Variants in ARAP1 observed in about 807,000 individuals in gnomAD.
The protein encoded by ARAP1 is ArfGAP with RhoGAP domain, ankyrin repeat and PH domain 1.
Under a neutral mutation model 172.2 loss-of-function variants are expected in ARAP1, and 76 were observed. That is an observed-to-expected ratio of 0.44 (90% CI 0.37 to 0.53). The LOEUF (loss-of-function observed/expected upper bound fraction) is 0.53, where lower values mean the gene tolerates loss of function less well. Among genes scored for constraint, ARAP1 ranks in the 20% least tolerant of loss-of-function variants. The pLI, the probability that ARAP1 is intolerant of heterozygous loss-of-function variation, is 0.00. For missense variants in ARAP1, 1,686 were observed against 1,977.5 expected, an observed-to-expected ratio of 0.85 and a Z score of 2.80; for synonymous variants, 804 against 803.3, an observed-to-expected ratio of 1.00 and a Z score of -0.01.
rs1206579764 is a variant in ARAP1 at position 72,697,082 on chromosome 11, G to A, written c.3067C>T (p.His1023Tyr). Residue 1023 changes from histidine (H) to tyrosine (Y), a missense_variant, in exon 22 of 35, where the codon CAC (histidine) becomes TAC (tyrosine). Coordinates refer to ENST00000393609, the MANE Select transcript of ARAP1 (RefSeq NM_001040118.3). ...RSVHLKEGEQ[H>Y]VDDVSSALKR... ...AGCGCCGAGGAAACATCATCCACGT[G>A]CTGCTCGCCCTCCTTGAGGTGCACA... The A allele has an allele frequency of 1.9e-6, 3 of 1,609,862 alleles. No homozygotes were observed. The highest frequency in any genetic ancestry group is 2.5e-6 in the Non-Finnish European group (3 of 1,179,928).
chr11:72,749,062 GA>G (rs1329115325), intron 1 of ARAP1, among the ~76,000 whole-genome samples: 9 of 152,194 alleles, frequency 5.9e-5, no homozygotes, highest in African/African-American at 1.7e-4. Flanking sequence ...CAAGACCAGA[GA>G]AAGAAATGAG....
At chr11:72,701,812 C>T (rs1856496332) in intron 15 of ARAP1, 29 bp from the exon 16 acceptor site, 2 of 1,609,388 alleles carry the variant, frequency 1.2e-6, no homozygotes, top group Non-Finnish European at 1.7e-6. Context: ...GATGGCAGGT[C>T]ATGCTGGCCA....
At position 72,709,920 on chromosome 11, in the gene ARAP1, C is replaced by T. The variant is rs1471780963; in HGVS notation, c.1473G>A (p.Lys491=). Residue 491 remains lysine, a synonymous_variant, in exon 11 of 35, where the codon AAG becomes AAA. Coordinates refer to ENST00000393609, the MANE Select transcript of ARAP1 (RefSeq NM_001040118.3). The part of the protein sequence containing the change: ...TFIDMSVGNV[K]EVDRRSFDLT... ...GGTCGAAGCTGCGCCGGTCCACTTC[C>T]TTCACGTTGCCCACGCTCATGTCGA... is the stretch of plus-strand genomic sequence containing the variant. 4 of 1,614,048 alleles carry T rather than the reference C, an allele frequency of 2.5e-6. No individual in the cohort carries two copies. Among genetic ancestry groups the T allele is most frequent in the African/African-American group, 2.7e-5 (2 of 74,906 alleles).
chr11:72,707,296 G>C lies in ARAP1; in HGVS notation c.1602C>G (p.Thr534=). ...CCCAGATGCGCTCGGCCACCTCCGA[G>C]GTAGACAGGGCCTCAGCGATGGCTC... ...MQGAIAEALS[T]SEVAERIWAA... is the part of the protein sequence containing the mutation. Residue 534 remains threonine (T), a synonymous_variant, in exon 12 of 35, where the codon ACC becomes ACG. Transcript: ENST00000393609. The C allele has an allele frequency of 6.2e-7, 1 of 1,613,786 alleles. No homozygotes were observed.
chr11:72,727,616 A>C (rs747369132), intron 2 of ARAP1, among the ~76,000 whole-genome samples: 2 of 152,206 alleles, frequency 1.3e-5, no homozygotes, highest in African/African-American at 2.4e-5. Context: ...CCAAGGGCTT[A>C]GCGAGCATTG....
At position 72,704,326 on chromosome 11, in the gene ARAP1, TA is replaced by T; in HGVS notation, c.1817del (p.Leu606TyrfsTer125). 1 of 1,586,788 alleles carries T rather than the reference TA, an allele frequency of 6.3e-7. No individual in the cohort carries two copies. Among genetic ancestry groups the T allele is most frequent in the Non-Finnish European group, 8.6e-7 (1 of 1,166,180 alleles). Reference protein sequence around the residue: ...VWTETLIELFLQLGNGAGNRF... With the variant: ...VWTETLIELFXQLGNGAGNRF... Reference sequence around the variant, plus strand: ...GGTTCCCAGCGCCATTCCCCAGCTGTAAGAAGAGCTGTGGGGGTGTGCAGGA... The same window carrying T: ...GGTTCCCAGCGCCATTCCCCAGCTGTAGAAGAGCTGTGGGGGTGTGCAGGA... On this transcript the variant is annotated frameshift_variant, in exon 14 of 35. Transcript: ENST00000393609. LOFTEE classifies it high-confidence loss of function.
intron 18 of ARAP1, 120 bp downstream of exon 18, chr11:72,698,885 G>C: frequency 9.5e-7 from 1 of 1,056,120 alleles, no homozygotes; most frequent in East Asian, 2.4e-5. Flanking sequence ...CTCCATGTCT[G>C]CTGCCCTGCA....
intron 3 of ARAP1, among the ~76,000 whole-genome samples, chr11:72,716,870 T>C (rs1591216421): frequency 6.6e-6 from 1 of 152,176 alleles, no homozygotes; most frequent in Non-Finnish European, 1.5e-5. Flanking sequence ...CGGGCCTCTC[T>C]GGGAATCTGG....
intron 2 of ARAP1, among the ~76,000 whole-genome samples, chr11:72,731,828 A>T (rs1857877386): frequency 6.6e-6 from 1 of 152,188 alleles, no homozygotes; most frequent in African/African-American, 2.4e-5. Context: ...CAGTTCCTCC[A>T]GGGTTAAGCT....
chr11:72,698,254 A>T, intron 18 of ARAP1, 148 bp from the exon 19 acceptor site: 1 of 991,150 alleles, frequency 1.0e-6, no homozygotes, highest in Non-Finnish European at 1.4e-6. Context: ...CCAGTGATGG[A>T]ACTTGGGTAC....
chr11:72,701,813 A>C (rs1301885715), intron 15 of ARAP1, 30 bp from the exon 16 acceptor site: 1 of 1,609,530 alleles, frequency 6.2e-7, no homozygotes, highest in Non-Finnish European at 8.5e-7. Context: ...ATGGCAGGTC[A>C]TGCTGGCCAC....
rs767797020 is a variant in ARAP1 at position 72,699,059 on chromosome 11, C to T, written c.2487G>A (p.Leu829=). The change falls in exon 18 of 35, where the codon CTG becomes CTA. Residue 829 remains leucine, a synonymous_variant. Transcript: ENST00000393609. The surrounding 1 kb of genome is among the most constrained non-coding windows in gnomAD (Gnocchi z 4.2). ...EVYTEGERLY[L]FGLESAEQAH... ...CCTGCTCCGCACTCTCCAGCCCAAA[C>T]AGGTACAGCCGTTCTCCCTCCGTGT... The T allele has an allele frequency of 2.5e-6, 4 of 1,614,190 alleles. No homozygotes were observed. Among genetic ancestry groups the T allele is most frequent in the Admixed American group, 1.7e-5 (1 of 60,030 alleles).
rs141990945 is a variant in ARAP1, at chr11:72,704,279, G to A, written c.1865C>T (p.Pro622Leu). ...GCTGGGCTGCAGGGCCTCACTGGGG[G>A]GCACGTTGGCTGCCCAGAAGCGGTT... ...AGNRFWAANV[P>L]PSEALQPSSS... Residue 622 changes from proline (P) to leucine (L), a missense_variant, in exon 14 of 35, where the codon CCC (proline) becomes CTC (leucine). Pro to Leu is a moderately conservative substitution (Grantham distance 98). Around this residue, in one of 5 missense-constraint regions of ARAP1, gnomAD observed 688 missense variants for 856.9 expected, o/e 0.80. Transcript: ENST00000393609. 4.2e-5 allele frequency: 67 copies of A among 1,612,124 alleles called. No individual in the cohort carries two copies. The highest frequency in any genetic ancestry group is 5.2e-5 in the Non-Finnish European group (61 of 1,179,214).
Position 72,714,452 on chromosome 11 carries a change from G to T in ARAP1, c.510-131C>A, listed in dbSNP as rs1314696296. 4 of 897,078 alleles carry T rather than the reference G, an allele frequency of 4.5e-6. No homozygotes were observed. In the Admixed American group the frequency reaches 9.4e-5, roughly 21 times the overall value. 55.6% of individuals were successfully genotyped at this position (897,078 alleles called of 1,614,324 possible). A position where few individuals can be genotyped will look rare whatever the true frequency, so the allele number is the denominator to read the frequency against. On this transcript the variant is annotated intron_variant, in intron 3 of 34. Transcript: ENST00000393609. ...AACTCACACAGACAGGAGCCCTCCT[G>T]CACACAGTCCTCCTCAACTCATCTC...
chr11:72,717,555 T>C (rs1857334261), intron 3 of ARAP1, among the ~76,000 whole-genome samples: 1 of 152,202 alleles, frequency 6.6e-6, no homozygotes, highest in Non-Finnish European at 1.5e-5. Context: ...CCTGATCAAC[T>C]GCGACGGGTC....
chr11:72,727,063 C>T lies in ARAP1; in HGVS notation c.66G>A (p.Gln22=), dbSNP rs1857714903. Residue 22 remains glutamine, a synonymous_variant, in exon 3 of 35, where the codon CAG becomes CAA. Transcript: ENST00000393609. ...AEWLRALHLE[Q]YTGLFEQHGL... is the part of the protein sequence containing the mutation. ...CATGCTGCTCAAAGAGCCCCGTGTA[C>T]TGCTCCAGGTGCAATGCCCGCAGCC... 2 of 1,606,572 alleles carry T rather than the reference C, an allele frequency of 1.2e-6. No individual in the cohort carries two copies. The highest frequency in any genetic ancestry group is 1.1e-5 in the South Asian group (1 of 90,804).
In ARAP1 at chr11:72,693,543, G is replaced by C; in HGVS notation, c.3809-73C>G. On this transcript the variant is annotated intron_variant, in intron 28 of 34. Coordinates refer to ENST00000393609, the MANE Select transcript of ARAP1 (RefSeq NM_001040118.3). The surrounding 1 kb of genome is among the most constrained non-coding windows in gnomAD (Gnocchi z 4.6). ...GGGGCTGGGTCCCAGGATGAAGGAA[G>C]CTGCCCCATCCTGCCCCAGCCTCTC... 6.4e-7 allele frequency: 1 copy of C among 1,565,992 alleles called. No individual in the cohort carries two copies. Among genetic ancestry groups the C allele is most frequent in the Non-Finnish European group, 8.7e-7 (1 of 1,153,082 alleles).
At chr11:72,730,648 C>T (rs1257442148) in intron 2 of ARAP1, among the ~76,000 whole-genome samples, 1 of 151,638 alleles carries the variant, frequency 6.6e-6, no homozygotes, top group South Asian at 2.1e-4. Context: ...TGCAGTGAGC[C>T]GAGATCACAC....
chr11:72,698,632 C>T (rs534282951), intron 18 of ARAP1, among the ~76,000 whole-genome samples: 8 of 152,200 alleles, frequency 5.3e-5, no homozygotes, highest in Non-Finnish European at 8.8e-5. Flanking sequence ...AGAGCTCTCC[C>T]GGTGGCCTCC....
Sources: gnomAD v4.1 joint callset for allele counts (sites outside exome capture counted in the v4.1 genomes callset) on GRCh38, gnomAD v4.1.1 for gene constraint, gnomAD v4.1.1 regional missense constraint, Gnocchi (gnomAD v3.1) non-coding constraint, MANE v1.5 for transcripts, NCBI Gene and HGNC (gene_info 2026-07-23, HGNC 2026-07-21) for gene names.